Variants in SLC27A2 observed in about 807,000 individuals in gnomAD.
SLC27A2 encodes the protein solute carrier family 27 member 2, also known as long-chain fatty acid transport protein 2.
In SLC27A2, 54 loss-of-function variants were observed where a neutral mutation model predicts 60.0. That is an observed-to-expected ratio of 0.90 (90% CI 0.72 to 1.13). The LOEUF is 1.13. SLC27A2 is among the 50% of genes most tolerant of loss of function. The probability of loss-of-function intolerance (pLI) is 0.00; values close to 1 mark genes in which losing one functional copy is unlikely to be tolerated. For missense variants in SLC27A2, 739 were observed against 777.6 expected (o/e 0.95, Z 0.59); for synonymous variants, 297 against 297.6 (o/e 1.00, Z 0.02).
At chr15:50,232,440 CA>C (rs1357693394) in intron 8 of SLC27A2, among the ~76,000 whole-genome samples, 1 of 152,116 alleles carries the variant, frequency 6.6e-6, no homozygotes, top group Non-Finnish European at 1.5e-5. Context: ...TTAATAGCCA[CA>C]AATAACCAGT....
At chr15:50,200,693 C>T (rs2045057151) in intron 2 of SLC27A2, among the ~76,000 whole-genome samples, 1 of 152,170 alleles carries the variant, frequency 6.6e-6, no homozygotes, top group African/African-American at 2.4e-5. Flanking sequence ...ACTTCATGCC[C>T]TCCCCAATTG....
chr15:50,203,513 A>C (rs775443655), intron 3 of SLC27A2, among the ~76,000 whole-genome samples: 3 of 152,080 alleles, frequency 2.0e-5, no homozygotes, highest in Non-Finnish European at 4.4e-5. Flanking sequence ...TCAATAGCCA[A>C]CTCTTCCAGG....
chr15:50,214,043 A>G (rs2045177748), intron 4 of SLC27A2, among the ~76,000 whole-genome samples: 1 of 152,104 alleles, frequency 6.6e-6, no homozygotes, highest in African/African-American at 2.4e-5. Context: ...CTTTGAAAAG[A>G]TAAAATTGAT....
intron 1 of SLC27A2, among the ~76,000 whole-genome samples, chr15:50,192,514 T>G (rs2044982078): frequency 2.0e-5 from 3 of 152,298 alleles, no homozygotes; most frequent in Middle Eastern, 3.4e-3. Context: ...TATTAATTTT[T>G]CATGCTAATA....
chr15:50,192,798 A>AG lies in SLC27A2; in HGVS notation c.479-4702_479-4701insG, dbSNP rs2044984700. On this transcript the variant is annotated intron_variant, in intron 1 of 9. Coordinates refer to ENST00000267842, the MANE Select transcript of SLC27A2 (RefSeq NM_003645.4). ...AAGTACATTTTTCTTAAAAAAAAAA[A>AG]AAAGAAGAAGAAGTACAGAAAAACT... Among the ~76,000 whole-genome samples the AG allele has an allele frequency of 2.0e-5, 3 of 151,594 alleles. No individual in the cohort carries two copies. In the East Asian group the frequency reaches 5.8e-4, roughly 29 times the overall value.
chr15:50,195,532 C>G (rs1269088968), intron 1 of SLC27A2, among the ~76,000 whole-genome samples: 1 of 151,866 alleles, frequency 6.6e-6, no homozygotes, highest in African/African-American at 2.4e-5. Flanking sequence ...ACAATGATTT[C>G]CCCTAGGCAT....
chr15:50,216,861 AAT>A (rs908454349), intron 4 of SLC27A2, among the ~76,000 whole-genome samples: 36 of 146,070 alleles, frequency 2.5e-4, no homozygotes, highest in African/African-American at 5.2e-4. Flanking sequence ...TATATCCATA[AAT>A]ATATATATAT....
Position 50,184,566 on chromosome 15 carries a change from T to C in SLC27A2, c.478+1661T>C, listed in dbSNP as rs1029573003. Among the ~76,000 whole-genome samples, 3 of 152,080 alleles carry C rather than the reference T, an allele frequency of 2.0e-5. No individual in the cohort carries two copies. In the East Asian group the frequency reaches 5.8e-4, roughly 29 times the overall value. The stretch of plus-strand genomic sequence containing the variant: ...AAGCCAAATTTTAGGCTGGGCGCAG[T>C]GGCTCAAGCCTGTAATCCCAGCACT... On this transcript the variant is annotated intron_variant, in intron 1 of 9. Transcript: ENST00000267842.
intron 4 of SLC27A2, among the ~76,000 whole-genome samples, chr15:50,211,397 C>T (rs1032171560): frequency 3.3e-5 from 5 of 152,110 alleles, no homozygotes; most frequent in East Asian, 1.9e-4. Context: ...CACTGCAGTT[C>T]GGCTCACAGG....
intron 3 of SLC27A2, among the ~76,000 whole-genome samples, chr15:50,203,621 T>C (rs1427514638): frequency 6.6e-6 from 1 of 152,160 alleles, no homozygotes; most frequent in African/African-American, 2.4e-5. Context: ...TAAAAATATA[T>C]ACACATATGT....
At chr15:50,216,610 GTATATA>G (rs59683706) in intron 4 of SLC27A2, among the ~76,000 whole-genome samples, 5,632 of 65,846 alleles carry the variant, frequency 0.086, 347 homozygotes, top group African/African-American at 0.16. Flanking sequence ...GTGTGTGTGT[GTATATA>G]TATATATATA....
chr15:50,193,680 C>A (rs545792100), intron 1 of SLC27A2, among the ~76,000 whole-genome samples: 5 of 152,300 alleles, frequency 3.3e-5, no homozygotes, highest in African/African-American at 1.2e-4. Context: ...ACTGCCAGAT[C>A]TGAATCCTTT....
intron 1 of SLC27A2, among the ~76,000 whole-genome samples, chr15:50,184,967 A>G (rs995446486): frequency 6.6e-6 from 1 of 152,242 alleles, no homozygotes; most frequent in Non-Finnish European, 1.5e-5. Context: ...TTGTAACTAG[A>G]AGACTCTCCT....
Position 50,197,575 on chromosome 15 carries a change from C to T in SLC27A2, c.554C>T (p.Thr185Ile). Residue 185 changes from threonine (T) to isoleucine (I), a missense_variant, in exon 2 of 10, where the codon ACT becomes ATT. Coordinates refer to ENST00000267842, the MANE Select transcript of SLC27A2 (RefSeq NM_003645.4). Reference sequence around the variant, plus strand: ...GTGTCCATCTATTATGTGAGCAGAACTTCTAACACAGATGGGATTGACTCT... The same window carrying T: ...GTGTCCATCTATTATGTGAGCAGAATTTCTAACACAGATGGGATTGACTCT... ...DDVSIYYVSR[T>I]SNTDGIDSFL... 1 of 1,613,980 alleles carries T rather than the reference C, an allele frequency of 6.2e-7. No homozygotes were observed. The highest frequency in any genetic ancestry group is 8.5e-7 in the Non-Finnish European group (1 of 1,179,924).
intron 4 of SLC27A2, among the ~76,000 whole-genome samples, chr15:50,215,385 C>G (rs945779313): frequency 6.6e-6 from 1 of 152,158 alleles, no homozygotes; most frequent in African/African-American, 2.4e-5. Flanking sequence ...AATGACCATA[C>G]TGCCAAAAGC....
chr15:50,191,042 G>A (rs1287307811), intron 1 of SLC27A2: 2 of 152,128 alleles, frequency 1.3e-5, no homozygotes, highest in African/African-American at 4.8e-5. Flanking sequence ...CAAGGAGGTG[G>A]GAACCTCAGA....
chr15:50,187,781 T>G (rs971353260), intron 1 of SLC27A2, among the ~76,000 whole-genome samples: 2 of 152,084 alleles, frequency 1.3e-5, no homozygotes, highest in Non-Finnish European at 2.9e-5. Context: ...AAAGGAAAAA[T>G]GCTTACAATA....
chr15:50,222,950 T>C lies in SLC27A2; in HGVS notation c.973-15T>C. Reference sequence around the variant, plus strand: ...AGATGTTTCAGTTTGGTCTCCTTCTTCTCCCCCACCACAGAAACCAAATGA... The same window carrying C: ...AGATGTTTCAGTTTGGTCTCCTTCTCCTCCCCCACCACAGAAACCAAATGA... On this transcript the variant is annotated splice_polypyrimidine_tract_variant and intron_variant, in intron 4 of 9. Transcript: ENST00000267842. The C allele has an allele frequency of 6.3e-7, 1 of 1,590,124 alleles. No individual in the cohort carries two copies. The highest frequency in any genetic ancestry group is 8.6e-7 in the Non-Finnish European group (1 of 1,168,068).
chr15:50,229,571 T>G (rs1227153904), intron 8 of SLC27A2, among the ~76,000 whole-genome samples: 3 of 152,216 alleles, frequency 2.0e-5, no homozygotes, highest in Non-Finnish European at 4.4e-5. Context: ...GGAGGGCCAG[T>G]GTCTGACCTT....
Sources: allele counts gnomAD v4.1 joint callset (sites outside exome capture counted in the v4.1 genomes callset), GRCh38; gene constraint gnomAD v4.1.1; transcripts MANE v1.5; gene names NCBI Gene and HGNC (gene_info 2026-07-23, HGNC 2026-07-21).